NUP205: variants seen among roughly 807,000 people sequenced by gnomAD.
NUP205 encodes nuclear pore complex protein Nup205.
In NUP205, 76 loss-of-function variants were observed where a neutral mutation model predicts 253.8. The observed-to-expected ratio is 0.30, with a 90% CI of 0.25 to 0.36. The LOEUF is 0.36. Among genes scored for constraint, NUP205 ranks in the 10% least tolerant of loss-of-function variants. The pLI, the probability that NUP205 is intolerant of heterozygous loss-of-function variation, is 1.00. For missense variants in NUP205, 2,162 were observed against 2,425.5 expected (o/e 0.89, Z 2.28); for synonymous variants, 832 against 850.1 (o/e 0.98, Z 0.37).
intron 22 of NUP205, 95 bp downstream of exon 22, chr7:135,607,466 A>G (rs1794112424): frequency 7.8e-7 from 1 of 1,283,348 alleles, no homozygotes. Flanking sequence ...AGCAGGACTT[A>G]GTTGAAATGA....
chr7:135,566,289 A>C (rs541676323), intron 1 of NUP205, among the ~76,000 whole-genome samples: 1 of 151,970 alleles, frequency 6.6e-6, no homozygotes, highest in South Asian at 2.1e-4. Flanking sequence ...TTGTATTTCT[A>C]GTAGAGACGG....
Position 135,607,377 on chromosome 7 carries a change from C to G in NUP205, c.3195+6C>G. ...TGGCTGAGCTATGTTACCAGGTACA[C>G]AGAAAACTGCGTTTTGTGGTACTGA... On this transcript the variant is annotated splice_donor_region_variant and intron_variant, in intron 22 of 42. Coordinates refer to ENST00000285968, the MANE Select transcript of NUP205 (RefSeq NM_015135.3). The G allele has an allele frequency of 6.2e-7, 1 of 1,612,582 alleles. No individual in the cohort carries two copies. Among genetic ancestry groups the G allele is most frequent in the Non-Finnish European group, 8.5e-7 (1 of 1,179,354 alleles).
chr7:135,576,261 C>G lies in NUP205; in HGVS notation c.344-9C>G, dbSNP rs12539427. ...ATTAACAATATTATTTCTCAACTTC[C>G]TTTTTTAGGAGAGCATCAACAGCCA... On this transcript the variant is annotated splice_polypyrimidine_tract_variant and intron_variant, in intron 3 of 42. Transcript: ENST00000285968. The G allele has an allele frequency of 0.036, 57,574 of 1,609,198 alleles. 1,204 individuals are homozygous for G. Among genetic ancestry groups the G allele is most frequent in the Middle Eastern group, 0.076 (458 of 6,036 alleles).
chr7:135,580,766 A>G (rs1445744041), intron 7 of NUP205, among the ~76,000 whole-genome samples: 1 of 152,014 alleles, frequency 6.6e-6, no homozygotes, highest in Non-Finnish European at 1.5e-5. Flanking sequence ...CCCAGGTGTG[A>G]TAGTTAATAT....
In NUP205 at chr7:135,602,853, A is replaced by G. The variant is rs1584665721; in HGVS notation, c.2561A>G (p.Asn854Ser). Residue 854 changes from asparagine (N) to serine (S), a missense_variant, in exon 18 of 43, where the codon AAT (asparagine) becomes AGT (serine). Physicochemically the swap from Asn to Ser is conservative, Grantham distance 46. Around this residue, in one of 5 missense-constraint regions of NUP205, gnomAD observed 892 missense variants for 957.1 expected, o/e 0.93. Coordinates refer to ENST00000285968, the MANE Select transcript of NUP205 (RefSeq NM_015135.3). ...KAVQHCLALL[N>S]LTLQKENLFM... ...GTACAGCATTGCCTTGCACTTCTCA[A>G]TCTTACTCTGCAAAAGGAAAATCTT... The G allele has an allele frequency of 1.2e-6, 2 of 1,614,088 alleles. No individual in the cohort carries two copies. Among genetic ancestry groups the G allele is most frequent in the Non-Finnish European group, 1.7e-6 (2 of 1,179,962 alleles).
chr7:135,648,584 A>G lies in NUP205; in HGVS notation c.*28A>G. ...GCCCGTGCTTATGCTCTTCTATGAG[A>G]GAGATGAATTGGGGAGAATTGTCTC... On this transcript the variant is annotated 3_prime_UTR_variant, in exon 43 of 43. Transcript: ENST00000285968. 3 of 1,458,712 alleles carry G rather than the reference A, an allele frequency of 2.1e-6. No individual in the cohort carries two copies. The highest frequency in any genetic ancestry group is 2.7e-6 in the Non-Finnish European group (3 of 1,101,020). The allele number at this position is 1,458,712 out of a possible 1,614,324, so 90.4% of individuals were successfully genotyped here. A position where few individuals can be genotyped will look rare whatever the true frequency, so the allele number is the denominator to read the frequency against.
chr7:135,638,227 T>C (rs901504954), intron 37 of NUP205, among the ~76,000 whole-genome samples, 168 bp downstream of exon 37: 1 of 152,196 alleles, frequency 6.6e-6, no homozygotes, highest in African/African-American at 2.4e-5. Flanking sequence ...CTAGCCAACA[T>C]GGTGAAACCT....
intron 7 of NUP205, among the ~76,000 whole-genome samples, chr7:135,583,891 G>A (rs1806383786): frequency 6.7e-6 from 1 of 149,610 alleles, no homozygotes. Context: ...TTCCAGGCTG[G>A]CGTGCAATGG....
intron 28 of NUP205, among the ~76,000 whole-genome samples, chr7:135,619,071 A>G (rs1794419367): frequency 6.6e-6 from 1 of 152,108 alleles, no homozygotes; most frequent in South Asian, 2.1e-4. Context: ...TGTATATAAA[A>G]CTTGTTAATG....
chr7:135,593,555 A>G (rs951386820), intron 12 of NUP205, among the ~76,000 whole-genome samples: 1 of 152,148 alleles, frequency 6.6e-6, no homozygotes, highest in East Asian at 1.9e-4. Flanking sequence ...ATTAAAAGTC[A>G]TTTACTGTAT....
intron 1 of NUP205, among the ~76,000 whole-genome samples, chr7:135,563,608 A>G (rs1007000238): frequency 6.6e-6 from 1 of 152,314 alleles, no homozygotes; most frequent in Non-Finnish European, 1.5e-5. Context: ...ATCCCTAAAC[A>G]TTAAGGAAAA....
At chr7:135,640,599 G>T (rs914908912) in intron 38 of NUP205, among the ~76,000 whole-genome samples, 16 of 152,070 alleles carry the variant, frequency 1.1e-4, no homozygotes, top group Non-Finnish European at 1.9e-4. Context: ...TTTGTATTAT[G>T]TCTAGGCTTT....
chr7:135,639,471 A>G (rs546842032), intron 38 of NUP205, among the ~76,000 whole-genome samples: 129 of 152,188 alleles, frequency 8.5e-4, no homozygotes, highest in African/African-American at 3.0e-3. Context: ...AGGCAGATTA[A>G]CTGAGGGCAG....
At chr7:135,582,857 G>A (rs895920519) in intron 7 of NUP205, among the ~76,000 whole-genome samples, 5 of 136,434 alleles carry the variant, frequency 3.7e-5, no homozygotes, top group Non-Finnish European at 8.2e-5. Context: ...TGGGGAGGCC[G>A]AGGCGGGTGG....
At chr7:135,598,355 A>G in intron 15 of NUP205, 148 bp downstream of exon 15, 1 of 727,370 alleles carries the variant, frequency 1.4e-6, no homozygotes, top group Non-Finnish European at 2.2e-6. Context: ...TGGTCTGATT[A>G]GTTTATGTGC....
At chr7:135,558,417 C>A (rs555518245) in intron 1 of NUP205, among the ~76,000 whole-genome samples, 1 of 152,250 alleles carries the variant, frequency 6.6e-6, no homozygotes, top group East Asian at 1.9e-4. Flanking sequence ...TTGCAGGCAG[C>A]GAATACTCCC....
In NUP205 at chr7:135,577,900, A is replaced by G; in HGVS notation, c.753A>G (p.Gly251=). ...AAGAAGACACTCTCCTCCTCATTGG[A>G]CATTTGGAAAGAGTGACAGTTGAGG... ...LGKEDTLLLI[G]HLERVTVEAN... Residue 251 remains glycine, a synonymous_variant, in exon 6 of 43, where the codon GGA becomes GGG. Transcript: ENST00000285968. 1 of 1,614,092 alleles carries G rather than the reference A, an allele frequency of 6.2e-7. No individual in the cohort carries two copies. Among genetic ancestry groups the G allele is most frequent in the Non-Finnish European group, 8.5e-7 (1 of 1,179,988 alleles).
chr7:135,579,744 C>T (rs1806254347), intron 7 of NUP205, among the ~76,000 whole-genome samples: 1 of 152,150 alleles, frequency 6.6e-6, no homozygotes, highest in Non-Finnish European at 1.5e-5. Context: ...CTACTGGGTT[C>T]AAGTGATTCT....
chr7:135,602,886 A>T lies in NUP205; in HGVS notation c.2594A>T (p.Asp865Val), dbSNP rs1177381498. 1 of 1,613,634 alleles carries T rather than the reference A, an allele frequency of 6.2e-7. No homozygotes were observed. Among genetic ancestry groups the T allele is most frequent in the African/African-American group, 1.3e-5 (1 of 74,896 alleles). The change falls in exon 18 of 43, where the codon GAC becomes GTC. Residue 865 changes from aspartate (D) to valine (V), a missense_variant. Physicochemically the swap from Asp to Val is radical, Grantham distance 152. Around this residue, in one of 5 missense-constraint regions of NUP205, gnomAD observed 892 missense variants for 957.1 expected, o/e 0.93. Coordinates refer to ENST00000285968, the MANE Select transcript of NUP205 (RefSeq NM_015135.3). ...LTLQKENLFM[D>V]LLRESQLALI... is the part of the protein sequence containing the mutation. ...CTGCAAAAGGAAAATCTTTTTATGG[A>T]CCTTCTAAGAGAGAGTCAACTGGCT...
Sources: gnomAD v4.1 joint callset for allele counts (sites outside exome capture counted in the v4.1 genomes callset) on GRCh38, gnomAD v4.1.1 for gene constraint, gnomAD v4.1.1 regional missense constraint, MANE v1.5 for transcripts, NCBI Gene and HGNC (gene_info 2026-07-23, HGNC 2026-07-21) for gene names.